The following PCDHA5 variants were observed in gnomAD, a reference collection of about 807,000 sequenced individuals.
The protein encoded by PCDHA5 is protocadherin alpha-5.
Under a neutral mutation model 61.6 loss-of-function variants are expected in PCDHA5, and 43 were observed. The observed-to-expected ratio is 0.70, with a 90% CI of 0.55 to 0.90. The LOEUF is 0.90. Ranked by LOEUF, PCDHA5 falls within the 40% of genes least tolerant of loss-of-function variation. The pLI is 0.00. For missense variants in PCDHA5, 1,298 were observed against 1,222.7 expected (o/e 1.06, Z -0.92); for synonymous variants, 627 against 543.9 (o/e 1.15, Z -2.13).
At position 140,853,114 on chromosome 5, in the gene PCDHA5, C is replaced by T. The variant is rs2150528456; in HGVS notation, c.2352+28987C>T. 11 of 456,802 alleles carry T rather than the reference C, an allele frequency of 2.4e-5. 1 individual carries two copies. The highest frequency in any genetic ancestry group is 1.1e-3 in the Middle Eastern group (1 of 920). The allele number at this position is 456,802 out of a possible 1,614,324, so 28.3% of individuals were successfully genotyped here. On this transcript the variant is annotated intron_variant, in intron 1 of 3. Coordinates refer to ENST00000529859, the MANE Select transcript of PCDHA5 (RefSeq NM_018908.3). ...CAGGATGGTCTCGATCTCCTGACCT[C>T]ATGATCCTCCCGCCTCAGCCTCCCA...
intron 1 of PCDHA5, chr5:140,834,315 G>A: frequency 7.3e-7 from 1 of 1,374,090 alleles, no homozygotes. Flanking sequence ...TTGAAATGAA[G>A]GGATAAAAAC....
intron 1 of PCDHA5, among the ~76,000 whole-genome samples, chr5:140,891,271 G>A (rs782182381): frequency 7.9e-5 from 12 of 151,678 alleles, no homozygotes; most frequent in South Asian, 4.2e-4. Flanking sequence ...TAATTTTTCC[G>A]TAAGTTATTG....
At chr5:140,900,538 A>G (rs1341812228) in intron 1 of PCDHA5, among the ~76,000 whole-genome samples, 1 of 152,162 alleles carries the variant, frequency 6.6e-6, no homozygotes, top group Non-Finnish European at 1.5e-5. Context: ...CGGCTTTCCA[A>G]AGTGCTGGGA....
chr5:140,848,422 G>A lies in PCDHA5; in HGVS notation c.2352+24295G>A, dbSNP rs143939535. 1,502 of 1,425,074 alleles carry A rather than the reference G, an allele frequency of 1.1e-3. 85 individuals are homozygous for A. The African/African-American group carries it at 0.018, about 17-fold the overall frequency. 88.3% of individuals were successfully genotyped at this position (1,425,074 alleles called of 1,614,324 possible). ...AACGATGGCGAACACAGCAGAATGG[G>A]ACTGACGAAATCAGATGATTTCTTC... On this transcript the variant is annotated intron_variant, in intron 1 of 3. Transcript: ENST00000529859.
At chr5:140,857,599 C>T (rs2044712961) in intron 1 of PCDHA5, 1 of 1,596,308 alleles carries the variant, frequency 6.3e-7, no homozygotes, top group Non-Finnish European at 8.6e-7. Flanking sequence ...GCAAGGTGTA[C>T]GCGCTGCAGC....
At chr5:140,884,577 T>C (rs2060274481) in intron 1 of PCDHA5, 2 of 1,614,230 alleles carry the variant, frequency 1.2e-6, no homozygotes, top group East Asian at 4.5e-5. Context: ...ACGGACCTCA[T>C]GGCCTTCAGT....
intron 3 of PCDHA5, among the ~76,000 whole-genome samples, chr5:140,989,866 T>G (rs2097364293): frequency 6.6e-6 from 1 of 152,012 alleles, no homozygotes; most frequent in South Asian, 2.1e-4. Flanking sequence ...GGAATCTTTC[T>G]CTGCCTCAGC....
chr5:140,872,610 T>G (rs1270918795), intron 1 of PCDHA5, among the ~76,000 whole-genome samples: 3 of 152,146 alleles, frequency 2.0e-5, no homozygotes, highest in Non-Finnish European at 4.4e-5. Flanking sequence ...AAAATAATTT[T>G]TTTTGCCTGT....
chr5:140,997,668 T>TTGTGTGTG lies in PCDHA5; in HGVS notation c.2501-11937_2501-11930dup, dbSNP rs35184029. 2.7e-3 allele frequency among the ~76,000 whole-genome samples: 400 copies of TTGTGTGTG among 148,342 alleles called. 5 individuals carry two copies. The East Asian group carries it at 0.038, about 14-fold the overall frequency. The stretch of plus-strand genomic sequence containing the variant: ...AATGCAATATGTATTATTATACAGC[T>TTGTGTGTG]TGTGTGTGTGTGTGTGTGTGTGTGT... On this transcript the variant is annotated intron_variant, in intron 3 of 3. Transcript: ENST00000529859.
At chr5:140,917,495 AATG>A (rs1391932074) in intron 1 of PCDHA5, among the ~76,000 whole-genome samples, 1 of 152,174 alleles carries the variant, frequency 6.6e-6, no homozygotes, top group Non-Finnish European at 1.5e-5. Flanking sequence ...CTATGCCCAG[AATG>A]ATATTTTCTA....
chr5:141,008,199 T>G (rs966441661), intron 3 of PCDHA5, among the ~76,000 whole-genome samples: 3 of 152,338 alleles, frequency 2.0e-5, no homozygotes, highest in Admixed American at 2.0e-4. Flanking sequence ...AGTAATATAA[T>G]GAACTTGACA....
intron 3 of PCDHA5, among the ~76,000 whole-genome samples, chr5:140,995,012 AGG>A (rs1360435760): frequency 6.6e-6 from 1 of 152,218 alleles, no homozygotes; most frequent in Non-Finnish European, 1.5e-5. Context: ...GTTTATATTT[AGG>A]AAAGAAGATT....
chr5:140,975,811 A>G (rs2096684538), intron 1 of PCDHA5, among the ~76,000 whole-genome samples: 3 of 134,728 alleles, frequency 2.2e-5, no homozygotes, highest in Non-Finnish European at 5.2e-5. Context: ...TATAATTTTA[A>G]TAGGAACTGA....
chr5:140,903,498 T>C (rs1205249543), intron 1 of PCDHA5, among the ~76,000 whole-genome samples: 2 of 152,320 alleles, frequency 1.3e-5, no homozygotes, highest in East Asian at 1.9e-4. Context: ...GCAGGTACCA[T>C]AGATAATAGT....
intron 1 of PCDHA5, chr5:140,884,280 A>G: frequency 6.2e-7 from 1 of 1,613,576 alleles, no homozygotes; most frequent in Non-Finnish European, 8.5e-7. Context: ...TCGCTGGTGG[A>G]GAGCGGCCAA....
In PCDHA5 at chr5:140,960,243, G is replaced by A. The variant is rs531821446; in HGVS notation, c.2353-18706G>A. On this transcript the variant is annotated intron_variant, in intron 1 of 3. Coordinates refer to ENST00000529859, the MANE Select transcript of PCDHA5 (RefSeq NM_018908.3). The stretch of plus-strand genomic sequence containing the variant: ...AGAAACAGAGCCATGGTAAAAAGAA[G>A]CTTCCTGGAGCTTCTGATAAATTCC... 3.9e-5 allele frequency among the ~76,000 whole-genome samples: 6 copies of A among 152,270 alleles called. No individual in the cohort carries two copies. The East Asian group carries it at 1.2e-3, about 29-fold the overall frequency.
At chr5:140,991,183 A>G (rs3776108) in intron 3 of PCDHA5, among the ~76,000 whole-genome samples, 7,613 of 152,310 alleles carry the variant, frequency 0.05, 238 homozygotes, top group South Asian at 0.11. Flanking sequence ...CAGGATGCCT[A>G]GCACACAATG....
intron 1 of PCDHA5, chr5:140,858,010 C>T (rs1554151006): frequency 1.3e-6 from 2 of 1,596,376 alleles, no homozygotes; most frequent in South Asian, 1.1e-5. Flanking sequence ...AGGACCATGG[C>T]GAGCCGTCGC....
At chr5:140,925,508 A>C (rs1244251216) in intron 1 of PCDHA5, among the ~76,000 whole-genome samples, 1 of 152,138 alleles carries the variant, frequency 6.6e-6, no homozygotes, top group African/African-American at 2.4e-5. Flanking sequence ...ATATCCACGC[A>C]AAAGACCAAA....
Sources: allele counts gnomAD v4.1 joint callset (sites outside exome capture counted in the v4.1 genomes callset), GRCh38; gene constraint gnomAD v4.1.1; transcripts MANE v1.5; gene names NCBI Gene and HGNC (gene_info 2026-07-23, HGNC 2026-07-21).